PCDHA1: variants seen among roughly 807,000 people sequenced by gnomAD.
The protein encoded by PCDHA1 is protocadherin alpha-1.
PCDHA1 carries 42 observed loss-of-function variants against 61.3 expected under a neutral mutation model. The observed-to-expected ratio is 0.69, with a 90% CI of 0.54 to 0.89. The LOEUF (loss-of-function observed/expected upper bound fraction) is 0.89, where lower values mean the gene tolerates loss of function less well. PCDHA1 is among the 40% of genes least tolerant of loss of function. The probability of loss-of-function intolerance (pLI) is 0.00; values close to 1 mark genes in which losing one functional copy is unlikely to be tolerated. For synonymous variants in PCDHA1, 610 were observed against 553.8 expected (o/e 1.10, Z -1.43); for missense variants, 1,256 against 1,235.3 (o/e 1.02, Z -0.25).
intron 1 of PCDHA1, among the ~76,000 whole-genome samples, chr5:140,888,190 A>G (rs2153423083): frequency 6.6e-6 from 1 of 152,280 alleles, no homozygotes; most frequent in East Asian, 1.9e-4. Flanking sequence ...TGTGAATTTT[A>G]CATTGTCGGA....
Position 140,856,573 on chromosome 5 carries a change from G to A in PCDHA1, c.2394+67889G>A, listed in dbSNP as rs1168113677. 4.4e-6 allele frequency: 7 copies of A among 1,597,600 alleles called. No individual in the cohort carries two copies. The African/African-American group carries it at 5.4e-5, about 12-fold the overall frequency. ...TTACTTACAAACTCAGTCCAAATGA[G>A]TATTTTGTTCTTGATATTATAAACA... On this transcript the variant is annotated intron_variant, in intron 1 of 3. Transcript: ENST00000504120.
intron 1 of PCDHA1, among the ~76,000 whole-genome samples, chr5:140,831,997 T>C (rs1771794062): frequency 6.6e-6 from 1 of 152,244 alleles, no homozygotes; most frequent in African/African-American, 2.4e-5. Flanking sequence ...GGATTCCATA[T>C]TGTTTTCATT....
intron 1 of PCDHA1, chr5:140,875,864 C>A (rs781972677): frequency 3.7e-6 from 6 of 1,614,168 alleles, no homozygotes; most frequent in Admixed American, 3.3e-5. Context: ...GACAACCCGC[C>A]GGTGTTCAGA....
intron 1 of PCDHA1, among the ~76,000 whole-genome samples, chr5:140,947,220 T>A (rs531697572): frequency 6.6e-6 from 1 of 151,686 alleles, no homozygotes; most frequent in East Asian, 1.9e-4. Flanking sequence ...ATCCTGTCAT[T>A]TATGACAGGA....
chr5:140,964,472 T>A (rs1160731930), intron 1 of PCDHA1, among the ~76,000 whole-genome samples: 1 of 152,074 alleles, frequency 6.6e-6, no homozygotes, highest in Non-Finnish European at 1.5e-5. Context: ...GTGCCTATGA[T>A]TTTTTCACAG....
Position 140,853,387 on chromosome 5 carries a change from C to T in PCDHA1, c.2394+64703C>T, listed in dbSNP as rs2150531459. 3.0e-6 allele frequency: 3 copies of T among 985,448 alleles called. No homozygotes were observed. In the Admixed American group the frequency reaches 1.9e-4, roughly 62 times the overall value. The allele number at this position is 985,448 out of a possible 1,614,324, so 61.0% of individuals were successfully genotyped here. ...CCAGAGATGGTAAAATTCAAAACAGCCTGTCAAGTTCAAAACAGAGAGGTG... is the reference window on the plus strand; with the variant it reads ...CCAGAGATGGTAAAATTCAAAACAGTCTGTCAAGTTCAAAACAGAGAGGTG... On this transcript the variant is annotated intron_variant, in intron 1 of 3. Coordinates refer to ENST00000504120, the MANE Select transcript of PCDHA1 (RefSeq NM_018900.4).
At chr5:140,877,839 A>G (rs2057367244) in intron 1 of PCDHA1, 12 of 1,582,068 alleles carry the variant, frequency 7.6e-6, no homozygotes, top group Non-Finnish European at 9.4e-6. Flanking sequence ...CTCCCAGTGA[A>G]GTAAGTTATT....
chr5:140,969,095 C>T, intron 1 of PCDHA1: 1 of 1,614,168 alleles, frequency 6.2e-7, no homozygotes, highest in East Asian at 2.2e-5. Flanking sequence ...AGTGCAGCCT[C>T]ACTTCATTGA....
At chr5:140,792,280 G>A (rs1373700860) in intron 1 of PCDHA1, among the ~76,000 whole-genome samples, 4 of 151,830 alleles carry the variant, frequency 2.6e-5, no homozygotes, top group Non-Finnish European at 5.9e-5. Context: ...TCTTTTATAA[G>A]GGGCAACCAT....
In PCDHA1 at chr5:140,795,725, A is replaced by G. The variant is rs368563521; in HGVS notation, c.2394+7041A>G. 9.3e-6 allele frequency: 15 copies of G among 1,614,008 alleles called. No homozygotes were observed. Among genetic ancestry groups the G allele is most frequent in the Non-Finnish European group, 1.3e-5 (15 of 1,180,026 alleles). ...GTTTACAAAGTAAAATTGTTAGAGA[A>G]TACGGCAAATGGGACCTTAGTGGTT... On this transcript the variant is annotated intron_variant, in intron 1 of 3. Coordinates refer to ENST00000504120, the MANE Select transcript of PCDHA1 (RefSeq NM_018900.4).
At chr5:140,828,232 G>A in intron 1 of PCDHA1, 1 of 1,613,964 alleles carries the variant, frequency 6.2e-7, no homozygotes, top group Non-Finnish European at 8.5e-7. Context: ...TCGTGGGCCG[G>A]ATCGCGCAGG....
chr5:140,811,588 A>G (rs1554125774), intron 1 of PCDHA1: 2 of 152,200 alleles, frequency 1.3e-5, no homozygotes. Flanking sequence ...GTCTTCCACA[A>G]TGGTTGAACT....
At chr5:140,882,606 C>A (rs782588313) in intron 1 of PCDHA1, 1 of 1,614,120 alleles carries the variant, frequency 6.2e-7, no homozygotes, top group African/African-American at 1.3e-5. Context: ...GTGGACAGGC[C>A]TCTGCAGGTT....
At chr5:140,833,562 T>A (rs1298635340) in intron 1 of PCDHA1, among the ~76,000 whole-genome samples, 1 of 152,132 alleles carries the variant, frequency 6.6e-6, no homozygotes, top group African/African-American at 2.4e-5. Context: ...GAAACAAATA[T>A]AAAATGATGA....
chr5:140,971,692 C>T (rs2096492766), intron 1 of PCDHA1, among the ~76,000 whole-genome samples: 1 of 152,116 alleles, frequency 6.6e-6, no homozygotes, highest in South Asian at 2.1e-4. Context: ...TTTGTACTCA[C>T]TAACCACCCT....
intron 1 of PCDHA1, chr5:140,802,468 T>G (rs1231379923): frequency 6.2e-7 from 1 of 1,614,024 alleles, no homozygotes; most frequent in East Asian, 2.2e-5. Context: ...TATGAGCTGG[T>G]GGTGACTGCT....
intron 1 of PCDHA1, among the ~76,000 whole-genome samples, chr5:140,892,327 C>T (rs1399330185): frequency 6.6e-6 from 1 of 152,154 alleles, no homozygotes; most frequent in Non-Finnish European, 1.5e-5. Flanking sequence ...TTTCTTTCTC[C>T]AGAATGGATT....
chr5:140,876,466 G>C, intron 1 of PCDHA1: 1 of 1,614,018 alleles, frequency 6.2e-7, no homozygotes, highest in Non-Finnish European at 8.5e-7. Flanking sequence ...TTCCATGGCA[G>C]GTCACAGCAT....
chr5:140,802,421 G>T (rs782249231), intron 1 of PCDHA1: 1 of 1,614,248 alleles, frequency 6.2e-7, no homozygotes, highest in South Asian at 1.1e-5. Context: ...ACTCATTGGT[G>T]CTGGACAGCC....
Sources: gnomAD v4.1 joint callset for allele counts (sites outside exome capture counted in the v4.1 genomes callset) on GRCh38, gnomAD v4.1.1 for gene constraint, MANE v1.5 for transcripts, NCBI Gene and HGNC (gene_info 2026-07-23, HGNC 2026-07-21) for gene names.